TERB2: variants seen among roughly 807,000 people sequenced by gnomAD.
TERB2 encodes telomere repeats-binding bouquet formation protein 2.
In TERB2, 26 loss-of-function variants were observed where a neutral mutation model predicts 29.8. The observed-to-expected ratio is 0.87, with a 90% CI of 0.64 to 1.21. TERB2 has a LOEUF of 1.21. TERB2 is among the 50% of genes most tolerant of loss of function. The pLI is 0.00. For synonymous variants in TERB2, 80 were observed against 90.8 expected, an observed-to-expected ratio of 0.88 and a Z score of 0.68; for missense variants, 240 against 268.6, an observed-to-expected ratio of 0.89 and a Z score of 0.74.
chr15:44,977,551 G>A (rs1367953192), intron 6 of TERB2, among the ~76,000 whole-genome samples: 1 of 152,044 alleles, frequency 6.6e-6, no homozygotes, highest in African/African-American at 2.4e-5. Flanking sequence ...ATAGAGTATA[G>A]TAATAGTGCT....
Position 44,962,883 on chromosome 15 carries a change from T to C in TERB2, c.348+1299T>C, listed in dbSNP as rs144494521. The C allele has an allele frequency of 1.7e-4, 26 of 152,324 alleles. No homozygotes were observed. In the Middle Eastern group the frequency reaches 0.01, roughly 60 times the overall value. 9.4% of individuals were successfully genotyped at this position (152,324 alleles called of 1,614,324 possible). The stretch of plus-strand genomic sequence containing the variant: ...AATTGGAACAATACAGAGATTAGCA[T>C]GGCCCCTGTGCAAAGATGACACGCA... On this transcript the variant is annotated intron_variant, in intron 4 of 6. Coordinates refer to ENST00000340827, the MANE Select transcript of TERB2 (RefSeq NM_152448.3).
chr15:44,978,418 C>T, intron 6 of TERB2, 71 bp from the exon 7 acceptor site: 5 of 1,423,764 alleles, frequency 3.5e-6, no homozygotes, highest in South Asian at 1.9e-5. Flanking sequence ...TCTAATAAAT[C>T]AAAGACACTG....
intron 5 of TERB2, chr15:44,971,302 G>C (rs1042512041): frequency 6.6e-6 from 1 of 152,126 alleles, no homozygotes. Context: ...CTTAACCAGC[G>C]AAAGCAGCCA....
chr15:44,967,298 T>C (rs1375054309), intron 5 of TERB2, among the ~76,000 whole-genome samples: 2 of 152,208 alleles, frequency 1.3e-5, no homozygotes, highest in African/African-American at 4.8e-5. Flanking sequence ...TCCAAACCTG[T>C]GGCCGGAGTC....
chr15:44,974,684 C>G (rs903224985), intron 6 of TERB2, among the ~76,000 whole-genome samples: 1 of 152,052 alleles, frequency 6.6e-6, no homozygotes, highest in African/African-American at 2.4e-5. Context: ...AGTGGAGTCA[C>G]TGATAACAAT....
At chr15:44,971,618 G>T (rs145702046) in intron 5 of TERB2, among the ~76,000 whole-genome samples, 4,497 of 152,080 alleles carry the variant, frequency 0.03, 224 homozygotes, top group African/African-American at 0.1. Flanking sequence ...AGCCAGGTGT[G>T]GTGGCGGGTG....
At chr15:44,965,376 G>T (rs1891869833) in intron 4 of TERB2, among the ~76,000 whole-genome samples, 1 of 145,816 alleles carries the variant, frequency 6.9e-6, no homozygotes, top group Admixed American at 7.0e-5. Context: ...TTTTGAAGGA[G>T]AAATATAATT....
intron 6 of TERB2, among the ~76,000 whole-genome samples, chr15:44,977,106 C>T (rs1021600132): frequency 6.6e-6 from 1 of 151,944 alleles, no homozygotes; most frequent in African/African-American, 2.4e-5. Flanking sequence ...AAAACACACA[C>T]ACACACACAC....
At chr15:44,971,309 GCCACT>G (rs1230990568) in intron 5 of TERB2, 1 of 152,204 alleles carries the variant, frequency 6.6e-6, no homozygotes, top group African/African-American at 2.4e-5. Flanking sequence ...AGCGAAAGCA[GCCACT>G]CTGAGTTATT....
At chr15:44,977,550 A>G (rs1403198590) in intron 6 of TERB2, among the ~76,000 whole-genome samples, 1 of 152,112 alleles carries the variant, frequency 6.6e-6, no homozygotes, top group Non-Finnish European at 1.5e-5. Flanking sequence ...CATAGAGTAT[A>G]GTAATAGTGC....
At chr15:44,967,231 A>G (rs1891905423) in intron 5 of TERB2, among the ~76,000 whole-genome samples, 1 of 152,232 alleles carries the variant, frequency 6.6e-6, no homozygotes. Flanking sequence ...TTTCCAATTC[A>G]GTTGGTTTTC....
At chr15:44,972,261 G>A (rs1319817472) in intron 5 of TERB2, among the ~76,000 whole-genome samples, 1 of 151,962 alleles carries the variant, frequency 6.6e-6, no homozygotes, top group Non-Finnish European at 1.5e-5. Context: ...AAAGTGCTGG[G>A]ATTACAGGCG....
chr15:44,963,927 C>A (rs1891844654), intron 4 of TERB2, among the ~76,000 whole-genome samples: 1 of 149,614 alleles, frequency 6.7e-6, no homozygotes, highest in African/African-American at 2.5e-5. Context: ...TCTCGTGCCT[C>A]AGCCTCCCGA....
chr15:44,975,907 T>G (rs1191829124), intron 6 of TERB2, among the ~76,000 whole-genome samples: 6 of 152,200 alleles, frequency 3.9e-5, no homozygotes, highest in Non-Finnish European at 8.8e-5. Context: ...AGAAAGCAAT[T>G]ACTAATAATT....
At chr15:44,966,381 A>G in intron 5 of TERB2, 138 bp downstream of exon 5, 1 of 441,324 alleles carries the variant, frequency 2.3e-6, no homozygotes, top group Non-Finnish European at 3.8e-6. Context: ...TACAAAAAAA[A>G]GAGATCTATG....
In TERB2 at chr15:44,974,199, C is replaced by T. The variant is rs535950177; in HGVS notation, c.523+244C>T. On this transcript the variant is annotated intron_variant, in intron 6 of 6. Coordinates refer to ENST00000340827, the MANE Select transcript of TERB2 (RefSeq NM_152448.3). Reference sequence around the variant, plus strand: ...TAGGGTGACCACATGTCCCTATTTACATGAGACAGTCCCAGTTTAAGCTGT... The same window carrying T: ...TAGGGTGACCACATGTCCCTATTTATATGAGACAGTCCCAGTTTAAGCTGT... Among the ~76,000 whole-genome samples the T allele has an allele frequency of 3.9e-5, 6 of 152,262 alleles. No homozygotes were observed. The South Asian group carries it at 1.2e-3, about 32-fold the overall frequency.
At chr15:44,968,781 T>C (rs1233180522) in intron 5 of TERB2, among the ~76,000 whole-genome samples, 1 of 152,040 alleles carries the variant, frequency 6.6e-6, no homozygotes, top group East Asian at 1.9e-4. Flanking sequence ...ATTTGTTACT[T>C]TTATGACACT....
chr15:44,964,353 T>G (rs951108778), intron 4 of TERB2, among the ~76,000 whole-genome samples: 2 of 152,194 alleles, frequency 1.3e-5, no homozygotes, highest in South Asian at 2.1e-4. Flanking sequence ...CAGTTTTTTT[T>G]TCTAGGAGGT....
intron 3 of TERB2, among the ~76,000 whole-genome samples, 181 bp from the exon 4 acceptor site, chr15:44,961,342 A>G (rs1891800804): frequency 6.6e-6 from 1 of 151,600 alleles, no homozygotes; most frequent in African/African-American, 2.4e-5. Flanking sequence ...TAGAAATGCA[A>G]ATTCCAGAGC....
Sources: allele counts gnomAD v4.1 joint callset (sites outside exome capture counted in the v4.1 genomes callset), GRCh38; gene constraint gnomAD v4.1.1; transcripts MANE v1.5; gene names NCBI Gene and HGNC (gene_info 2026-07-23, HGNC 2026-07-21).